Variants in CREB3L2 observed in about 807,000 individuals in gnomAD.
The protein encoded by CREB3L2 is cAMP responsive element binding protein 3 like 2.
In CREB3L2, 23 loss-of-function variants were observed where a neutral mutation model predicts 57.2. The observed-to-expected ratio is 0.40, with a 90% CI of 0.29 to 0.57. The LOEUF (loss-of-function observed/expected upper bound fraction) is 0.57. CREB3L2 is among the 20% of genes least tolerant of loss of function. CREB3L2 has a pLI of 0.42. For missense variants in CREB3L2, 628 were observed against 634.7 expected (o/e 0.99, Z 0.11); for synonymous variants, 268 against 265.1 (o/e 1.01, Z -0.11).
At chr7:137,946,818 CTATATAGTTATCTA>C (rs1488493075) in intron 1 of CREB3L2, among the ~76,000 whole-genome samples, 6 of 18,670 alleles carry the variant, frequency 3.2e-4, no homozygotes, top group Non-Finnish European at 4.3e-4. Context: ...ATATAGTTAT[CTATATAGTTATCTA>C]TATATAGTTA....
intron 8 of CREB3L2, among the ~76,000 whole-genome samples, 197 bp from the exon 9 acceptor site, chr7:137,885,699 A>C (rs17169445): frequency 0.12 from 18,575 of 152,182 alleles, 3,775 homozygotes; most frequent in African/African-American, 0.42. Context: ...TGGGGCTCAG[A>C]ATCAGCCTTC....
chr7:137,927,787 GAAA>G (rs61623523), intron 2 of CREB3L2, among the ~76,000 whole-genome samples: 8 of 141,578 alleles, frequency 5.7e-5, no homozygotes, highest in African/African-American at 1.8e-4. Flanking sequence ...TTCTTTCTCA[GAAA>G]AAAAAAAAAA....
Position 137,877,914 on chromosome 7 carries a change from T to C in CREB3L2, c.*2562A>G. 4.4e-6 allele frequency: 1 copy of C among 227,646 alleles called. No homozygotes were observed. The highest frequency in any genetic ancestry group is 6.3e-5 in the East Asian group (1 of 15,812). 14.1% of individuals were successfully genotyped at this position (227,646 alleles called of 1,614,324 possible). A position where few individuals can be genotyped will look rare whatever the true frequency, so the allele number is the denominator to read the frequency against. On this transcript the variant is annotated 3_prime_UTR_variant, in exon 12 of 12. Coordinates refer to ENST00000330387, the MANE Select transcript of CREB3L2 (RefSeq NM_194071.4). ...ACTCTTCTGTGTCCTCTTGACCCCA[T>C]TTTGTCCTCCTAAAGGGACAACTGT... is the stretch of plus-strand genomic sequence containing the variant.
Position 137,879,955 on chromosome 7 carries a change from G to A in CREB3L2, c.*521C>T. The A allele has an allele frequency of 4.2e-6, 1 of 237,284 alleles. No homozygotes were observed. The highest frequency in any genetic ancestry group is 8.3e-6 in the Non-Finnish European group (1 of 120,674). The allele number at this position is 237,284 out of a possible 1,614,324, so 14.7% of individuals were successfully genotyped here. ...TGCAGGAGACGAGACGATCCAGCGA[G>A]GGCTCCCAGGGGGCAGAGTGGGCGG... is the stretch of plus-strand genomic sequence containing the variant. On this transcript the variant is annotated 3_prime_UTR_variant, in exon 12 of 12. Coordinates refer to ENST00000330387, the MANE Select transcript of CREB3L2 (RefSeq NM_194071.4).
At chr7:137,898,793 A>G (rs1799678040) in intron 8 of CREB3L2, among the ~76,000 whole-genome samples, 1 of 152,158 alleles carries the variant, frequency 6.6e-6, no homozygotes, top group Non-Finnish European at 1.5e-5. Context: ...GCCTTTACTA[A>G]ATAACAGCAA....
chr7:137,894,042 G>A (rs1799572272), intron 8 of CREB3L2, among the ~76,000 whole-genome samples: 2 of 152,192 alleles, frequency 1.3e-5, no homozygotes, highest in African/African-American at 4.8e-5. Flanking sequence ...CAGTCTCTTG[G>A]GTCTTCTTGT....
intron 8 of CREB3L2, among the ~76,000 whole-genome samples, chr7:137,897,933 C>T (rs1385784031): frequency 1.3e-5 from 2 of 152,086 alleles, no homozygotes; most frequent in African/African-American, 2.4e-5. Flanking sequence ...AACTAAAAAG[C>T]TTCTGCACAA....
chr7:137,924,645 CT>C (rs958705597), intron 2 of CREB3L2, among the ~76,000 whole-genome samples: 10 of 151,044 alleles, frequency 6.6e-5, no homozygotes, highest in East Asian at 1.9e-4. Context: ...TTCCTTCTTC[CT>C]TTTTTTTTGG....
At chr7:137,930,771 T>C (rs970625886) in intron 1 of CREB3L2, among the ~76,000 whole-genome samples, 1 of 152,094 alleles carries the variant, frequency 6.6e-6, no homozygotes, top group African/African-American at 2.4e-5. Flanking sequence ...TACAAATACA[T>C]TTCAAACTGG....
chr7:137,941,751 G>A lies in CREB3L2; in HGVS notation c.103-13385C>T, dbSNP rs1167318646. 3.3e-5 allele frequency among the ~76,000 whole-genome samples: 5 copies of A among 152,184 alleles called. No individual in the cohort carries two copies. In the East Asian group the frequency reaches 9.6e-4, roughly 29 times the overall value. On this transcript the variant is annotated intron_variant, in intron 1 of 11. Transcript: ENST00000330387. ...TACACCACTACCCTAAAGAAGCAGA[G>A]TTTGATGTTTCTCTATTCATTTAGA...
intron 1 of CREB3L2, among the ~76,000 whole-genome samples, chr7:137,947,491 T>A (rs2117266960): frequency 6.6e-6 from 1 of 152,280 alleles, no homozygotes; most frequent in South Asian, 2.1e-4. Flanking sequence ...GGTGTAGTCC[T>A]GGCCTGTGCC....
intron 11 of CREB3L2, among the ~76,000 whole-genome samples, chr7:137,881,037 A>G (rs554782237): frequency 6.6e-6 from 1 of 152,350 alleles, no homozygotes; most frequent in African/African-American, 2.4e-5. Context: ...GAAAATTTCT[A>G]GGCATTCAGA....
chr7:137,913,488 C>T (rs1187103815), intron 3 of CREB3L2, among the ~76,000 whole-genome samples: 3 of 119,690 alleles, frequency 2.5e-5, no homozygotes, highest in Non-Finnish European at 4.9e-5. Flanking sequence ...GCCTAGGTAA[C>T]AGAGTGAGAC....
Position 137,878,821 on chromosome 7 carries a change from C to T in CREB3L2, c.*1655G>A, listed in dbSNP as rs567302656. Reference sequence around the variant, plus strand: ...GTATGACGACAAATGTTAATAACATCAAATCCTGTACCTGATATGGAATGG... The same window carrying T: ...GTATGACGACAAATGTTAATAACATTAAATCCTGTACCTGATATGGAATGG... On this transcript the variant is annotated 3_prime_UTR_variant, in exon 12 of 12. Coordinates refer to ENST00000330387, the MANE Select transcript of CREB3L2 (RefSeq NM_194071.4). 1.6e-4 allele frequency: 46 copies of T among 279,356 alleles called. No homozygotes were observed. The highest frequency in any genetic ancestry group is 2.7e-4 in the Non-Finnish European group (39 of 146,560). 17.3% of individuals were successfully genotyped at this position (279,356 alleles called of 1,614,324 possible).
chr7:137,927,216 A>G (rs2117238357), intron 2 of CREB3L2, among the ~76,000 whole-genome samples: 1 of 150,362 alleles, frequency 6.7e-6, no homozygotes, highest in South Asian at 2.1e-4. Context: ...AAGGAAAGAA[A>G]ATAAAGAAAG....
chr7:137,986,567 T>TA (rs1278179969), intron 1 of CREB3L2, among the ~76,000 whole-genome samples: 3 of 152,242 alleles, frequency 2.0e-5, no homozygotes, highest in Non-Finnish European at 4.4e-5. Flanking sequence ...CCAGTGGTGA[T>TA]AAGGGCTATG....
At chr7:137,946,847 T>C (rs1176213787) in intron 1 of CREB3L2, among the ~76,000 whole-genome samples, 1 of 64,162 alleles carries the variant, frequency 1.6e-5, no homozygotes, top group Non-Finnish European at 2.8e-5. Flanking sequence ...TAGTTATCTA[T>C]ATAGTTATCT....
At chr7:137,931,613 C>T (rs1292871251) in intron 1 of CREB3L2, among the ~76,000 whole-genome samples, 1 of 151,580 alleles carries the variant, frequency 6.6e-6, no homozygotes, top group East Asian at 1.9e-4. Flanking sequence ...AGGTGGATCG[C>T]TTGAGGTCAG....
Position 137,875,144 on chromosome 7 carries a change from C to T in CREB3L2, c.*5332G>A, listed in dbSNP as rs931567979. ...AAAGAATAAAAAGTCATTTAAAAAA[C>T]GCGATAGGACAGATAACAGACTCAC... On this transcript the variant is annotated 3_prime_UTR_variant, in exon 12 of 12. Transcript: ENST00000330387. 9 of 188,486 alleles carry T rather than the reference C, an allele frequency of 4.8e-5. No homozygotes were observed. Among genetic ancestry groups the T allele is most frequent in the African/African-American group, 7.3e-5 (3 of 40,870 alleles). 11.7% of individuals were successfully genotyped at this position (188,486 alleles called of 1,614,324 possible). A position where few individuals can be genotyped will look rare whatever the true frequency, so the allele number is the denominator to read the frequency against.
Sources: gnomAD v4.1 joint callset for allele counts (sites outside exome capture counted in the v4.1 genomes callset) on GRCh38, gnomAD v4.1.1 for gene constraint, MANE v1.5 for transcripts, NCBI Gene and HGNC (gene_info 2026-07-23, HGNC 2026-07-21) for gene names.